FER: variants seen among roughly 807,000 people sequenced by gnomAD.
FER encodes the protein FER tyrosine kinase.
FER carries 63 observed loss-of-function variants against 111.0 expected under a neutral mutation model. That is an observed-to-expected ratio of 0.57 (90% CI 0.46 to 0.70). The LOEUF is 0.70. Among genes scored for constraint, FER ranks in the 30% least tolerant of loss-of-function variants. The probability of loss-of-function intolerance (pLI) is 0.00; values close to 1 mark genes in which losing one functional copy is unlikely to be tolerated. For missense variants in FER, 914 were observed against 954.0 expected, an observed-to-expected ratio of 0.96 and a Z score of 0.55; for synonymous variants, 327 against 313.9, an observed-to-expected ratio of 1.04 and a Z score of -0.44.
chr5:108,797,785 G>A (rs1756201299), intron 2 of FER, among the ~76,000 whole-genome samples: 2 of 152,194 alleles, frequency 1.3e-5, no homozygotes, highest in African/African-American at 4.8e-5. Context: ...AATTGGTGGA[G>A]GCTTCTAGTC....
At chr5:108,979,297 A>G (rs1761758599) in intron 13 of FER, among the ~76,000 whole-genome samples, 1 of 152,100 alleles carries the variant, frequency 6.6e-6, no homozygotes, top group Admixed American at 6.6e-5. Context: ...TTGCTAGATT[A>G]TTTGTTTTTC....
intron 3 of FER, chr5:108,819,770 A>G: frequency 1.0e-6 from 1 of 983,754 alleles, no homozygotes; most frequent in East Asian, 1.1e-4. Flanking sequence ...TAAAATAGAG[A>G]TTCAGAAGAA....
chr5:108,875,614 A>C (rs1414160115), intron 8 of FER, among the ~76,000 whole-genome samples: 1 of 152,174 alleles, frequency 6.6e-6, no homozygotes, highest in East Asian at 1.9e-4. Flanking sequence ...GAATATATTT[A>C]AGTGTCTGTT....
chr5:108,872,032 A>G (rs956172307), intron 7 of FER, 61 bp from the exon 8 acceptor site: 7 of 1,493,718 alleles, frequency 4.7e-6, no homozygotes, highest in Non-Finnish European at 6.4e-6. Context: ...TTTAGTGTAT[A>G]TGAAGATATA....
At chr5:108,954,599 T>C (rs532880211) in intron 11 of FER, 130 bp from the exon 12 acceptor site, 28 of 667,320 alleles carry the variant, frequency 4.2e-5, no homozygotes, top group Non-Finnish European at 9.5e-6. Flanking sequence ...TTAGGTTTAT[T>C]GTATAACTTT....
At chr5:108,994,631 T>C (rs2149760011) in intron 13 of FER, among the ~76,000 whole-genome samples, 1 of 152,340 alleles carries the variant, frequency 6.6e-6, no homozygotes, top group East Asian at 1.9e-4. Flanking sequence ...AAGTAGTTTT[T>C]TCTAATTCTG....
intron 1 of FER, chr5:108,748,350 G>C (rs897360222): frequency 2.0e-5 from 3 of 152,250 alleles, no homozygotes; most frequent in Admixed American, 6.5e-5. Flanking sequence ...AGCGCCCTCC[G>C]GGCACACTTA....
intron 17 of FER, among the ~76,000 whole-genome samples, chr5:109,104,646 A>C (rs141760975): frequency 6.6e-6 from 1 of 152,320 alleles, no homozygotes; most frequent in Non-Finnish European, 1.5e-5. Context: ...TTGTTGAACG[A>C]ATATGAATTT....
chr5:108,998,154 T>TA (rs1764239225), intron 13 of FER, among the ~76,000 whole-genome samples: 1 of 147,150 alleles, frequency 6.8e-6, no homozygotes, highest in African/African-American at 2.5e-5. Context: ...GGTTCTGTCT[T>TA]GCTGGCGTTC....
At chr5:108,875,933 G>A (rs932181244) in intron 8 of FER, among the ~76,000 whole-genome samples, 2 of 152,082 alleles carry the variant, frequency 1.3e-5, no homozygotes, top group Non-Finnish European at 2.9e-5. Flanking sequence ...CCATGATTAC[G>A]TAAAATGTGT....
intron 1 of FER, among the ~76,000 whole-genome samples, chr5:108,753,581 C>T (rs1392816749): frequency 4.6e-5 from 7 of 152,184 alleles, no homozygotes; most frequent in Non-Finnish European, 8.8e-5. Context: ...AAATCTCTAA[C>T]TAGTGCCCCC....
chr5:108,793,758 G>A (rs1397958064), intron 2 of FER, among the ~76,000 whole-genome samples: 1 of 150,890 alleles, frequency 6.6e-6, no homozygotes, highest in East Asian at 1.9e-4. Flanking sequence ...TTCTTTGTTA[G>A]TATGACTTAA....
chr5:108,881,615 T>C (rs1561555949), intron 8 of FER, among the ~76,000 whole-genome samples: 1 of 152,174 alleles, frequency 6.6e-6, no homozygotes, highest in Non-Finnish European at 1.5e-5. Flanking sequence ...ATATGGAGGC[T>C]GGGAAGCCCA....
At chr5:109,165,998 A>C (rs184477477) in intron 17 of FER, among the ~76,000 whole-genome samples, 1 of 152,120 alleles carries the variant, frequency 6.6e-6, no homozygotes, top group African/African-American at 2.4e-5. Flanking sequence ...CCAGCAGTCT[A>C]TCAGGGTTGG....
intron 9 of FER, among the ~76,000 whole-genome samples, chr5:108,886,790 A>G (rs1454315191): frequency 6.6e-6 from 1 of 151,686 alleles, no homozygotes; most frequent in African/African-American, 2.4e-5. Context: ...TGTTAGAGTC[A>G]AGGTATAATC....
chr5:109,176,949 C>T (rs1240701567), intron 17 of FER, among the ~76,000 whole-genome samples: 1 of 152,038 alleles, frequency 6.6e-6, no homozygotes, highest in South Asian at 2.1e-4. Context: ...GGTTTGTAAA[C>T]AAATATATAC....
chr5:108,851,418 A>G (rs1678409777), intron 5 of FER, among the ~76,000 whole-genome samples: 1 of 152,184 alleles, frequency 6.6e-6, no homozygotes, highest in Non-Finnish European at 1.5e-5. Flanking sequence ...GTTACCTCCC[A>G]CTGGGTCCCT....
intron 10 of FER, among the ~76,000 whole-genome samples, chr5:108,918,193 C>A (rs184632484): frequency 1.3e-5 from 2 of 152,270 alleles, no homozygotes; most frequent in Non-Finnish European, 2.9e-5. Context: ...AAGCATGTCA[C>A]ATTGCAGGGG....
In FER at chr5:108,835,774, G is replaced by T; in HGVS notation, c.448G>T (p.Ala150Ser). Residue 150 changes from alanine (A) to serine (S), a missense_variant, in exon 5 of 20, where the codon GCC (alanine) becomes TCC (serine). By Grantham distance (99) the Ala-to-Ser change is moderately conservative. Around this residue, in one of 3 missense-constraint regions of FER, gnomAD observed 774 missense variants for 782.6 expected, o/e 0.99. Coordinates refer to ENST00000281092, the MANE Select transcript of FER (RefSeq NM_005246.4). ...YRQLIKEMNSAKEKYKEALAK... is the reference protein window; with the variant it reads ...YRQLIKEMNSSKEKYKEALAK... Reference sequence around the variant, plus strand: ...ACAATTAATAAAAGAAATGAATTCTGCCAAAGAGAAATATAAAGAAGCTTT... The same window carrying T: ...ACAATTAATAAAAGAAATGAATTCTTCCAAAGAGAAATATAAAGAAGCTTT... 6.4e-7 allele frequency: 1 copy of T among 1,562,450 alleles called. No homozygotes were observed. The highest frequency in any genetic ancestry group is 8.6e-7 in the Non-Finnish European group (1 of 1,162,504).
Sources: gnomAD v4.1 joint callset for allele counts (sites outside exome capture counted in the v4.1 genomes callset) on GRCh38, gnomAD v4.1.1 for gene constraint, gnomAD v4.1.1 regional missense constraint, MANE v1.5 for transcripts, NCBI Gene and HGNC (gene_info 2026-07-23, HGNC 2026-07-21) for gene names.